MOXD1: variants seen among roughly 807,000 people sequenced by gnomAD.
MOXD1 encodes the protein DBH-like monooxygenase protein 1.
Under a neutral mutation model 66.6 loss-of-function variants are expected in MOXD1, and 62 were observed. The ratio of observed to expected loss-of-function variants is 0.93; its 90% confidence interval spans 0.76 to 1.15. The LOEUF (loss-of-function observed/expected upper bound fraction) is 1.15, where lower values mean the gene tolerates loss of function less well. Ranked by LOEUF, MOXD1 falls within the 50% of genes most tolerant of loss-of-function variation. The pLI is 0.00. For synonymous variants in MOXD1, 303 were observed against 281.9 expected, an observed-to-expected ratio of 1.07 and a Z score of -0.75; for missense variants, 847 against 754.6, an observed-to-expected ratio of 1.12 and a Z score of -1.44.
Position 132,324,017 on chromosome 6 carries a change from G to A in MOXD1, c.1027C>T (p.Leu343Phe), listed in dbSNP as rs141612582. The A allele has an allele frequency of 6.2e-7, 1 of 1,613,898 alleles. No homozygotes were observed. Among genetic ancestry groups the A allele is most frequent in the African/African-American group, 1.3e-5 (1 of 74,982 alleles). ...KYDAGVIEAG[L>F]WVSLFHTIPP... ...ATGGTATGGAAGAGGCTCACCCAGA[G>A]GCCAGCCTCAATCACCCCAGCATCA... The change falls in exon 7 of 12, where the codon CTC becomes TTC. Residue 343 changes from leucine to phenylalanine, a missense_variant. Leu to Phe is a conservative substitution (Grantham distance 22). Transcript: ENST00000367963.
chr6:132,302,991 A>G (rs764013213), intron 10 of MOXD1, among the ~76,000 whole-genome samples: 2 of 152,156 alleles, frequency 1.3e-5, no homozygotes, highest in Non-Finnish European at 2.9e-5. Flanking sequence ...TGATATCTAT[A>G]TGAAAAACAA....
At chr6:132,343,650 T>C (rs1190760795) in intron 4 of MOXD1, among the ~76,000 whole-genome samples, 1 of 151,926 alleles carries the variant, frequency 6.6e-6, no homozygotes, top group Non-Finnish European at 1.5e-5. Flanking sequence ...ATATATTGAA[T>C]TCAATATACT....
intron 4 of MOXD1, among the ~76,000 whole-genome samples, chr6:132,355,139 C>T (rs572573415): frequency 5.9e-5 from 9 of 152,268 alleles, no homozygotes; most frequent in Admixed American, 3.3e-4. Context: ...ACACCAGATT[C>T]GTGCCCTTCC....
chr6:132,320,547 G>A (rs1414273206), intron 9 of MOXD1, 82 bp downstream of exon 9: 1 of 1,181,230 alleles, frequency 8.5e-7, no homozygotes, highest in South Asian at 1.5e-5. Flanking sequence ...AAATGGAAAT[G>A]GTTTTTACCT....
At chr6:132,313,561 G>A (rs1024827593) in intron 10 of MOXD1, among the ~76,000 whole-genome samples, 1 of 152,052 alleles carries the variant, frequency 6.6e-6, no homozygotes, top group Non-Finnish European at 1.5e-5. Flanking sequence ...TTCATCATCT[G>A]CATTTTACCA....
At chr6:132,300,693 G>A (rs1774512239) in intron 10 of MOXD1, among the ~76,000 whole-genome samples, 1 of 152,194 alleles carries the variant, frequency 6.6e-6, no homozygotes, top group Non-Finnish European at 1.5e-5. Context: ...TAAAGTGACA[G>A]AAGAGGTGTA....
chr6:132,368,036 G>A (rs1215819063), intron 4 of MOXD1, among the ~76,000 whole-genome samples: 1 of 151,878 alleles, frequency 6.6e-6, no homozygotes, highest in Non-Finnish European at 1.5e-5. Context: ...CTATTAAATG[G>A]AATGAGACAC....
chr6:132,344,151 C>T (rs1018345109), intron 4 of MOXD1, among the ~76,000 whole-genome samples: 1 of 152,184 alleles, frequency 6.6e-6, no homozygotes, highest in Non-Finnish European at 1.5e-5. Flanking sequence ...GGGCATTTTA[C>T]TTTTCACTTT....
At chr6:132,323,862 T>C in intron 7 of MOXD1, 69 bp downstream of exon 7, 1 of 1,439,246 alleles carries the variant, frequency 6.9e-7, no homozygotes, top group South Asian at 1.5e-5. Context: ...GTGCGGAATT[T>C]TTCACACCAC....
intron 4 of MOXD1, among the ~76,000 whole-genome samples, chr6:132,340,106 A>G (rs1463065094): frequency 6.6e-6 from 1 of 152,026 alleles, no homozygotes; most frequent in Admixed American, 6.5e-5. Context: ...GCTGGTCTCA[A>G]ACTCCTGACC....
At chr6:132,333,725 A>C (rs1038879625) in intron 4 of MOXD1, among the ~76,000 whole-genome samples, 1 of 152,200 alleles carries the variant, frequency 6.6e-6, no homozygotes, top group Non-Finnish European at 1.5e-5. Flanking sequence ...TTCTTGTACA[A>C]AGGTGGGGTG....
chr6:132,341,618 A>C (rs1357497432), intron 4 of MOXD1, among the ~76,000 whole-genome samples: 1 of 152,180 alleles, frequency 6.6e-6, no homozygotes, highest in African/African-American at 2.4e-5. Flanking sequence ...CATTAGCTGC[A>C]TGTTACCCCC....
intron 4 of MOXD1, among the ~76,000 whole-genome samples, chr6:132,349,792 T>C (rs1775766869): frequency 6.6e-6 from 1 of 152,000 alleles, no homozygotes; most frequent in Non-Finnish European, 1.5e-5. Context: ...CTCCTGTTTT[T>C]TGATTTTTTG....
intron 1 of MOXD1, among the ~76,000 whole-genome samples, chr6:132,395,622 G>A (rs972965713): frequency 6.6e-6 from 1 of 152,054 alleles, no homozygotes; most frequent in Non-Finnish European, 1.5e-5. Flanking sequence ...ACTATACACT[G>A]CTTACCATAC....
At chr6:132,337,469 G>T (rs1775464707) in intron 4 of MOXD1, among the ~76,000 whole-genome samples, 1 of 152,202 alleles carries the variant, frequency 6.6e-6, no homozygotes, top group East Asian at 1.9e-4. Context: ...AATATGTTGG[G>T]AGAGAATCAC....
chr6:132,374,739 A>T lies in MOXD1; in HGVS notation c.303T>A (p.Asp101Glu), dbSNP rs1776343130. The T allele has an allele frequency of 6.2e-7, 1 of 1,613,946 alleles. No individual in the cohort carries two copies. The highest frequency in any genetic ancestry group is 8.5e-7 in the Non-Finnish European group (1 of 1,179,876). ...FTNANRELKK[D>E]AQQDYHLEYA... ...ATTCTAGATGGTAATCTTGCTGAGCATCTTTTTTCAACTCTCTATTTGCAT... is the reference window on the plus strand; with the variant it reads ...ATTCTAGATGGTAATCTTGCTGAGCTTCTTTTTTCAACTCTCTATTTGCAT... The change falls in exon 2 of 12, where the codon GAT becomes GAA. Residue 101 changes from aspartate to glutamate, a missense_variant. Coordinates refer to ENST00000367963, the MANE Select transcript of MOXD1 (RefSeq NM_015529.4).
chr6:132,297,767 A>C lies in MOXD1; in HGVS notation c.1677+20T>G, dbSNP rs1275995367. 2 of 1,572,124 alleles carry C rather than the reference A, an allele frequency of 1.3e-6. No individual in the cohort carries two copies. Among genetic ancestry groups the C allele is most frequent in the African/African-American group, 1.4e-5 (1 of 72,528 alleles). The stretch of plus-strand genomic sequence containing the variant: ...GATAAAATGTGTCATCTGGGTTGTC[A>C]GAGGTTAAAAAGAGCTTACCGACCA... On this transcript the variant is annotated intron_variant, in intron 11 of 11. Transcript: ENST00000367963.
intron 4 of MOXD1, among the ~76,000 whole-genome samples, chr6:132,347,546 G>A (rs891925784): frequency 6.6e-6 from 1 of 151,934 alleles, no homozygotes; most frequent in Admixed American, 6.6e-5. Context: ...GTGTGTTGGT[G>A]GGTGCCTGTA....
At chr6:132,365,048 C>T (rs986249406) in intron 4 of MOXD1, among the ~76,000 whole-genome samples, 1 of 152,080 alleles carries the variant, frequency 6.6e-6, no homozygotes, top group African/African-American at 2.4e-5. Context: ...ACCAGCTGTT[C>T]CCAAAACTTA....
Sources: gnomAD v4.1 joint callset for allele counts (sites outside exome capture counted in the v4.1 genomes callset) on GRCh38, gnomAD v4.1.1 for gene constraint, MANE v1.5 for transcripts, NCBI Gene and HGNC (gene_info 2026-07-23, HGNC 2026-07-21) for gene names.